Variants in PYHIN1 observed in about 807,000 individuals in gnomAD.
The protein encoded by PYHIN1 is pyrin and HIN domain family member 1.
Under a neutral mutation model 43.7 loss-of-function variants are expected in PYHIN1, and 32 were observed. The observed-to-expected ratio is 0.73, with a 90% CI of 0.55 to 0.98. The LOEUF (loss-of-function observed/expected upper bound fraction) is 0.98. Among genes scored for constraint, PYHIN1 ranks in the 50% least tolerant of loss-of-function variants. The pLI is 0.00. For missense variants in PYHIN1, 588 were observed against 589.5 expected (o/e 1.00, Z 0.03); for synonymous variants, 205 against 203.1 (o/e 1.01, Z -0.08).
At chr1:158,972,524 A>G (rs1452617487) in intron 7 of PYHIN1, among the ~76,000 whole-genome samples, 4 of 152,080 alleles carry the variant, frequency 2.6e-5, no homozygotes, top group Non-Finnish European at 1.5e-5. Context: ...ATATAGAGAA[A>G]GAGTGGAGGA....
intron 7 of PYHIN1, among the ~76,000 whole-genome samples, chr1:158,951,920 A>G (rs1042305477): frequency 5.9e-5 from 9 of 152,142 alleles, no homozygotes; most frequent in African/African-American, 2.2e-4. Flanking sequence ...CATTATTAGA[A>G]AGAAGTTTTT....
At chr1:158,983,926 A>G in the PYHIN1 span, among the ~76,000 whole-genome samples, 7 of 140,168 alleles carry the variant, frequency 5.0e-5, no homozygotes, top group African/African-American at 1.6e-4. Context: ...TTTTCAGCAT[A>G]GAAATTGTTC....
intron 7 of PYHIN1, among the ~76,000 whole-genome samples, chr1:158,957,260 A>G (rs964073191): frequency 1.4e-4 from 21 of 150,156 alleles, no homozygotes; most frequent in African/African-American, 4.7e-4. Flanking sequence ...ACTACTTTAA[A>G]GTTCATATGG....
At chr1:158,946,127 A>G (rs861319) in intron 7 of PYHIN1, among the ~76,000 whole-genome samples, 103,261 of 152,126 alleles carry the variant, frequency 0.68, 38,319 homozygotes, top group East Asian at 0.86. Context: ...ATATGTTTGC[A>G]TAGCCCAGGC....
At chr1:158,979,305 C>T (rs1481564705), downstream of PYHIN1, among the ~76,000 whole-genome samples, 1 of 152,148 alleles carries the variant, frequency 6.6e-6, no homozygotes, top group African/African-American at 2.4e-5. Flanking sequence ...GCTTCCATTT[C>T]CCCCTTCCTC....
At chr1:158,985,364 T>C in the PYHIN1 span, among the ~76,000 whole-genome samples, 1 of 152,190 alleles carries the variant, frequency 6.6e-6, no homozygotes, top group African/African-American at 2.4e-5. Context: ...CAAATTCGCT[T>C]AGTGTTTGTT....
Position 158,937,030 on chromosome 1 carries a change from A to C in PYHIN1, c.120A>C (p.Lys40Asn), listed in dbSNP as rs766086099. Residue 40 changes from lysine (K) to asparagine (N), a missense_variant, in exon 2 of 9, where the codon AAA becomes AAC. By Grantham distance (94) the Lys-to-Asn change is moderately conservative (BLOSUM62 0). Coordinates refer to ENST00000368140, the MANE Select transcript of PYHIN1 (RefSeq NM_152501.5). The stretch of plus-strand genomic sequence containing the variant: ...ATTTAAAACTTAATCCAAAAATGAA[A>C]GAAGAGTATGACAAAATTCAGATTG... ...SNDLKLNPKM[K>N]EEYDKIQIAD... 2 of 1,614,080 alleles carry C rather than the reference A, an allele frequency of 1.2e-6. No homozygotes were observed. The highest frequency in any genetic ancestry group is 2.2e-5 in the East Asian group (1 of 44,896).
chr1:158,985,318 C>T, the PYHIN1 span, among the ~76,000 whole-genome samples: 1 of 152,112 alleles, frequency 6.6e-6, no homozygotes, highest in South Asian at 2.1e-4. Context: ...TTCAGCACTC[C>T]CTGAAGGACC....
chr1:158,967,528 G>T (rs1650693012), intron 7 of PYHIN1, among the ~76,000 whole-genome samples: 1 of 151,952 alleles, frequency 6.6e-6, no homozygotes, highest in Non-Finnish European at 1.5e-5. Context: ...CCAAAGCAAT[G>T]TACAGATTCA....
At chr1:158,969,499 G>A (rs1650818642) in intron 7 of PYHIN1, among the ~76,000 whole-genome samples, 1 of 152,006 alleles carries the variant, frequency 6.6e-6, no homozygotes, top group South Asian at 2.1e-4. Flanking sequence ...GGACTCCTAT[G>A]TAAGGAGTTC....
At chr1:158,941,580 T>C (rs2101656434) in intron 4 of PYHIN1, among the ~76,000 whole-genome samples, 1 of 152,342 alleles carries the variant, frequency 6.6e-6, no homozygotes, top group African/African-American at 2.4e-5. Flanking sequence ...CCCTTTACCA[T>C]TTTCAGCGCT....
In PYHIN1 at chr1:158,957,941, T is replaced by C. The variant is rs76097017; in HGVS notation, c.1359+12899T>C. On this transcript the variant is annotated intron_variant, in intron 7 of 8. Coordinates refer to ENST00000368140, the MANE Select transcript of PYHIN1 (RefSeq NM_152501.5). ...ACAAACAACCCCATCAGAAAGTGGG[T>C]GAAGGACATGAACAGACACTTCTCA... 1.7e-3 allele frequency among the ~76,000 whole-genome samples: 256 copies of C among 151,788 alleles called. 7 individuals are homozygous for C. The East Asian group carries it at 0.046, about 27-fold the overall frequency.
intron 3 of PYHIN1, 80 bp from the exon 4 acceptor site, chr1:158,939,000 A>C: frequency 9.1e-7 from 1 of 1,099,008 alleles, no homozygotes. Context: ...TATACAATAA[A>C]TATATTACCT....
In PYHIN1 at chr1:158,942,114, T is replaced by C. The variant is rs560541562; in HGVS notation, c.717T>C (p.Phe239=). 8.7e-5 allele frequency: 141 copies of C among 1,614,172 alleles called. No homozygotes were observed. In the South Asian group the frequency reaches 1.5e-3, roughly 17 times the overall value. Residue 239 remains phenylalanine, a synonymous_variant, in exon 5 of 9, where the codon TTT becomes TTC. Coordinates refer to ENST00000368140, the MANE Select transcript of PYHIN1 (RefSeq NM_152501.5). ...CAGAAAATGAGCAAAGAAGAATGTT[T>C]CATGCTACAGTGGCTACGCAGACAC... The part of the protein sequence containing the change: ...ESSENEQRRM[F]HATVATQTQF...
the PYHIN1 span, among the ~76,000 whole-genome samples, chr1:158,985,973 A>C: frequency 6.6e-6 from 1 of 152,010 alleles, no homozygotes; most frequent in Admixed American, 6.6e-5. Flanking sequence ...TATATTATGA[A>C]ATTTTTGTAG....
At chr1:158,945,840 C>A in intron 7 of PYHIN1, among the ~76,000 whole-genome samples, 1 of 152,116 alleles carries the variant, frequency 6.6e-6, no homozygotes, top group East Asian at 1.9e-4. Flanking sequence ...ACATGTTGTT[C>A]CTGATGTACA....
intron 8 of PYHIN1, among the ~76,000 whole-genome samples, chr1:158,975,447 T>A (rs1651201713): frequency 6.6e-6 from 1 of 152,052 alleles, no homozygotes; most frequent in South Asian, 2.1e-4. Flanking sequence ...TCACTACAAC[T>A]TTATCTGGGT....
intron 7 of PYHIN1, 71 bp downstream of exon 7, chr1:158,945,113 G>T (rs1649151730): frequency 2.1e-6 from 3 of 1,446,622 alleles, no homozygotes; most frequent in Admixed American, 2.2e-5. Context: ...ATTGTTGAAA[G>T]AGTTTCTCTT....
intron 7 of PYHIN1, among the ~76,000 whole-genome samples, chr1:158,959,460 G>A (rs1445538007): frequency 6.6e-6 from 1 of 152,170 alleles, no homozygotes; most frequent in Non-Finnish European, 1.5e-5. Flanking sequence ...TAGTAAACAA[G>A]CTATTTAGAT....
Sources: allele counts gnomAD v4.1 joint callset (sites outside exome capture counted in the v4.1 genomes callset), GRCh38; gene constraint gnomAD v4.1.1; transcripts MANE v1.5; gene names NCBI Gene and HGNC (gene_info 2026-07-23, HGNC 2026-07-21).